The following MFN2 variants were observed in gnomAD, a reference collection of about 807,000 sequenced individuals.
MFN2 encodes the protein mitofusin-2.
In MFN2, 43 loss-of-function variants were observed where a neutral mutation model predicts 87.5. That is an observed-to-expected ratio of 0.49 (90% confidence interval 0.38 to 0.63). MFN2 has a LOEUF of 0.63. Among genes scored for constraint, MFN2 ranks in the 30% least tolerant of loss-of-function variants. The pLI is 0.00. For synonymous variants in MFN2, 337 were observed against 359.9 expected (o/e 0.94, Z 0.72); for missense variants, 743 against 972.8 (o/e 0.76, Z 3.14).
intron 1 of MFN2, among the ~76,000 whole-genome samples, chr1:11,981,079 A>AATG (rs757149843): frequency 1.3e-5 from 2 of 152,080 alleles, no homozygotes; most frequent in Non-Finnish European, 2.9e-5. Context: ...TTAAATTCTC[A>AATG]ATCATCTCTC....
intron 14 of MFN2, among the ~76,000 whole-genome samples, chr1:12,005,245 T>C (rs1351366325): frequency 6.6e-6 from 1 of 152,206 alleles, no homozygotes; most frequent in Non-Finnish European, 1.5e-5. Flanking sequence ...CACACCTGGC[T>C]AATTTTTTTG....
intron 11 of MFN2, 109 bp downstream of exon 11, chr1:12,002,212 G>A: frequency 6.4e-7 from 1 of 1,565,044 alleles, no homozygotes; most frequent in Non-Finnish European, 8.8e-7. Context: ...GAGTCTCTGG[G>A]CTCCCATCCA....
intron 2 of MFN2, among the ~76,000 whole-genome samples, chr1:11,984,615 C>A (rs141995462): frequency 0.015 from 2,213 of 152,292 alleles, 55 homozygotes; most frequent in African/African-American, 0.05. Flanking sequence ...CAGGGGCAGG[C>A]CTCTGACCTT....
intron 4 of MFN2, among the ~76,000 whole-genome samples, chr1:11,993,604 G>C (rs532098343): frequency 2.0e-5 from 3 of 151,936 alleles, no homozygotes; most frequent in East Asian, 3.9e-4. Context: ...GTGAGGTGGC[G>C]GGCGCCTGTA....
chr1:11,989,820 G>A (rs979819073), intron 3 of MFN2, among the ~76,000 whole-genome samples: 1 of 152,148 alleles, frequency 6.6e-6, no homozygotes, highest in African/African-American at 2.4e-5. Flanking sequence ...CAGAACTATA[G>A]GAAACTCACG....
chr1:12,006,838 C>A, intron 16 of MFN2, 145 bp downstream of exon 16: 1 of 1,345,050 alleles, frequency 7.4e-7, no homozygotes. Context: ...ATGGGGAGCG[C>A]TTACTCCCTC....
chr1:12,009,491 G>T, intron 17 of MFN2, 101 bp from the exon 18 acceptor site: 2 of 1,535,934 alleles, frequency 1.3e-6, no homozygotes, highest in Non-Finnish European at 1.8e-6. Flanking sequence ...TGCTGGCAGG[G>T]ATATAGACAG....
chr1:12,004,691 C>G lies in MFN2; in HGVS notation c.1392+78C>G. ...AACCCCTGTTGGTCTGGGTCAGGGCCCCCCAGCAGTGACAGTAGAAGCCAC... is the reference window on the plus strand; with the variant it reads ...AACCCCTGTTGGTCTGGGTCAGGGCGCCCCAGCAGTGACAGTAGAAGCCAC... On this transcript the variant is annotated intron_variant, in intron 13 of 18. Coordinates refer to ENST00000235329, the MANE Select transcript of MFN2 (RefSeq NM_014874.4). This position sits in a 1 kb window ranked among gnomAD's most constrained non-coding sequence, Gnocchi z 4.2. The G allele has an allele frequency of 6.6e-7, 1 of 1,519,072 alleles. No homozygotes were observed. The highest frequency in any genetic ancestry group is 9.1e-7 in the Non-Finnish European group (1 of 1,094,634). The allele number at this position is 1,519,072 out of a possible 1,614,324, so 94.1% of individuals were successfully genotyped here. A position where few individuals can be genotyped will look rare whatever the true frequency, so the allele number is the denominator to read the frequency against.
chr1:11,988,078 TAG>T (rs1638500740), intron 2 of MFN2, among the ~76,000 whole-genome samples: 1 of 89,268 alleles, frequency 1.1e-5, no homozygotes, highest in African/African-American at 4.9e-5. Context: ...AATAGACCAA[TAG>T]TTTTTGTGTG....
intron 16 of MFN2, 142 bp downstream of exon 16, chr1:12,006,835 GCGCT>G: frequency 7.3e-7 from 1 of 1,365,786 alleles, no homozygotes; most frequent in Non-Finnish European, 1.0e-6. Flanking sequence ...TGCATGGGGA[GCGCT>G]TACTCCCTCA....
intron 2 of MFN2, 47 bp from the exon 3 acceptor site, chr1:11,989,117 TC>T: frequency 6.2e-7 from 1 of 1,601,486 alleles, no homozygotes; most frequent in South Asian, 1.1e-5. Flanking sequence ...TAGCAGGATG[TC>T]CCGAGGTAGG....
In MFN2 at chr1:12,013,307, G is replaced by A. The variant is rs1639766934; in HGVS notation, c.*1742G>A. ...TAAAATTAAATTTATACCACTGAGG[G>A]AGAGACCCTTTCTGAAAGAAGTATG... On this transcript the variant is annotated 3_prime_UTR_variant, in exon 19 of 19. Transcript: ENST00000235329. The A allele has an allele frequency of 2.1e-6, 1 of 469,056 alleles. No homozygotes were observed. Among genetic ancestry groups the A allele is most frequent in the South Asian group, 1.6e-5 (1 of 63,878 alleles). The allele number at this position is 469,056 out of a possible 1,614,324, so 29.1% of individuals were successfully genotyped here.
Position 12,003,550 on chromosome 1 carries a change from G to C in MFN2, c.1161-442G>C, listed in dbSNP as rs561246930. On this transcript the variant is annotated intron_variant, in intron 11 of 18. Transcript: ENST00000235329. This position sits in a 1 kb window ranked among gnomAD's most constrained non-coding sequence, Gnocchi z 4.1. Reference sequence around the variant, plus strand: ...GTGGTGGCGCATGCCTGTAATCCCAGCTACTCGGGAGGCTGAAGCAGGAGA... The same window carrying C: ...GTGGTGGCGCATGCCTGTAATCCCACCTACTCGGGAGGCTGAAGCAGGAGA... Among the ~76,000 whole-genome samples, 1 of 152,228 alleles carries C rather than the reference G, an allele frequency of 6.6e-6. No individual in the cohort carries two copies. Among genetic ancestry groups the C allele is most frequent in the East Asian group, 1.9e-4 (1 of 5,176 alleles).
intron 2 of MFN2, among the ~76,000 whole-genome samples, chr1:11,985,362 G>T (rs1638349154): frequency 6.6e-6 from 1 of 151,072 alleles, no homozygotes; most frequent in Non-Finnish European, 1.5e-5. Context: ...AGTTTAAGCA[G>T]CCCAGAAATA....
intron 4 of MFN2, 21 bp downstream of exon 4, chr1:11,992,711 C>T (rs1207279713): frequency 1.2e-6 from 2 of 1,614,182 alleles, no homozygotes. Flanking sequence ...GAGGCACCCA[C>T]CCTTTCTTTC....
chr1:11,986,501 TCTGAGGGAC>T (rs1428218862), intron 2 of MFN2, among the ~76,000 whole-genome samples: 1 of 152,026 alleles, frequency 6.6e-6, no homozygotes, highest in Non-Finnish European at 1.5e-5. Flanking sequence ...TGGTGGGAAC[TCTGAGGGAC>T]CTGGCAGGGG....
At chr1:12,002,190 G>GT (rs1639209313) in intron 11 of MFN2, 87 bp downstream of exon 11, 1 of 1,603,710 alleles carries the variant, frequency 6.2e-7, no homozygotes, top group Non-Finnish European at 8.5e-7. Context: ...GACACGCCTT[G>GT]ATGGCAGGGC....
chr1:12,005,976 T>C, intron 15 of MFN2, 45 bp downstream of exon 15: 2 of 1,575,872 alleles, frequency 1.3e-6, no homozygotes, highest in Non-Finnish European at 1.7e-6. Context: ...GGGGTCAGTC[T>C]GTACCCTGCC....
chr1:12,005,933 C>T lies in MFN2; in HGVS notation c.1716+2C>T, dbSNP rs768726243. On this transcript the variant is annotated splice_donor_variant, in intron 15 of 18. Transcript: ENST00000235329. LOFTEE classifies it low-confidence loss of function (GC_TO_GT_DONOR). ...GCCTTGATGGGCTACAATGACCAGG[C>T]AAGCAAAGTTCCTCACCTCAAGGGC... 6.2e-7 allele frequency: 1 copy of T among 1,613,022 alleles called. No individual in the cohort carries two copies. Among genetic ancestry groups the T allele is most frequent in the South Asian group, 1.1e-5 (1 of 91,016 alleles).
Sources: gnomAD v4.1 joint callset for allele counts (sites outside exome capture counted in the v4.1 genomes callset) on GRCh38, gnomAD v4.1.1 for gene constraint, Gnocchi (gnomAD v3.1) non-coding constraint, MANE v1.5 for transcripts, NCBI Gene and HGNC (gene_info 2026-07-23, HGNC 2026-07-21) for gene names.